Variants in SAMSN1 observed in about 807,000 individuals in gnomAD.
SAMSN1 encodes SAM domain-containing protein SAMSN-1.
A neutral mutation model predicts 42.0 loss-of-function variants in SAMSN1; 31 were observed. That is an observed-to-expected ratio of 0.74 (90% CI 0.55 to 1.00). The LOEUF is 1.00. Ranked by LOEUF, SAMSN1 falls within the 50% of genes least tolerant of loss-of-function variation. The probability of loss-of-function intolerance (pLI) is 0.00; values close to 1 mark genes in which losing one functional copy is unlikely to be tolerated. For missense variants in SAMSN1, 464 were observed against 439.4 expected (o/e 1.06, Z -0.50); for synonymous variants, 178 against 151.9 (o/e 1.17, Z -1.26).
At chr21:14,615,411 G>A (rs1982810071) in intron 3 of SAMSN1, among the ~76,000 whole-genome samples, 2 of 152,156 alleles carry the variant, frequency 1.3e-5, no homozygotes, top group Admixed American at 1.3e-4. Context: ...ATTGGCCTCA[G>A]ACCAATCCAG....
At chr21:14,596,559 T>A (rs1982268577) in intron 6 of SAMSN1, among the ~76,000 whole-genome samples, 1 of 152,176 alleles carries the variant, frequency 6.6e-6, no homozygotes, top group South Asian at 2.1e-4. Flanking sequence ...TGATGATGTT[T>A]AACTTCTGAA....
intron 1 of SAMSN1, among the ~76,000 whole-genome samples, chr21:14,525,108 A>G (rs1476911952): frequency 6.6e-6 from 1 of 152,224 alleles, no homozygotes; most frequent in East Asian, 1.9e-4. Flanking sequence ...ATTAAAAATG[A>G]TGAAATAATA....
intron 2 of SAMSN1, among the ~76,000 whole-genome samples, chr21:14,569,102 G>A (rs939260397): frequency 6.7e-6 from 1 of 150,284 alleles, no homozygotes; most frequent in African/African-American, 2.5e-5. Context: ...ACCAGCCTAG[G>A]CAACATAGCA....
At chr21:14,541,123 G>T (rs745895691) in intron 1 of SAMSN1, among the ~76,000 whole-genome samples, 35 of 142,924 alleles carry the variant, frequency 2.4e-4, no homozygotes, top group Non-Finnish European at 4.9e-4. Context: ...ACACACCAGG[G>T]CCTGTTGTGG....
intron 3 of SAMSN1, 44 bp downstream of exon 3, chr21:14,516,848 A>C: frequency 6.6e-7 from 1 of 1,518,154 alleles, no homozygotes; most frequent in Non-Finnish European, 9.0e-7. Context: ...TAGTTTAAGA[A>C]AGTTTTAGTA....
chr21:14,509,107 T>C (rs2122967903), intron 5 of SAMSN1, among the ~76,000 whole-genome samples: 1 of 138,386 alleles, frequency 7.2e-6, no homozygotes, highest in African/African-American at 2.7e-5. Context: ...AGAGCAAGAC[T>C]CCATCAAAAA....
chr21:14,507,856 G>T (rs1456300669), intron 5 of SAMSN1, among the ~76,000 whole-genome samples: 3 of 150,766 alleles, frequency 2.0e-5, no homozygotes, highest in African/African-American at 4.9e-5. Context: ...AAAAAAATAG[G>T]CACATAGACC....
chr21:14,581,479 C>T (rs937795319), intron 2 of SAMSN1, among the ~76,000 whole-genome samples: 2 of 148,594 alleles, frequency 1.3e-5, no homozygotes, highest in African/African-American at 5.0e-5. Flanking sequence ...CCGCCTCAGC[C>T]TCCCGAGTAG....
At chr21:14,619,484 T>C (rs1420681943) in intron 2 of SAMSN1, among the ~76,000 whole-genome samples, 1 of 152,228 alleles carries the variant, frequency 6.6e-6, no homozygotes, top group African/African-American at 2.4e-5. Flanking sequence ...ATATAGTGCT[T>C]TACCTTAACT....
chr21:14,627,300 C>T (rs151179178), intron 2 of SAMSN1, among the ~76,000 whole-genome samples: 2 of 151,934 alleles, frequency 1.3e-5, no homozygotes, highest in African/African-American at 4.8e-5. Flanking sequence ...ATATAAACAC[C>T]AGGAGAGCTT....
intron 2 of SAMSN1, among the ~76,000 whole-genome samples, chr21:14,577,883 C>G (rs1246719555): frequency 6.6e-6 from 1 of 152,146 alleles, no homozygotes; most frequent in Non-Finnish European, 1.5e-5. Context: ...TCCATAATCA[C>G]AAATATTTCT....
chr21:14,584,691 A>T (rs1014244270), upstream of SAMSN1, among the ~76,000 whole-genome samples: 1 of 152,192 alleles, frequency 6.6e-6, no homozygotes, highest in Non-Finnish European at 1.5e-5. Context: ...AGACTCAGAA[A>T]TATTTCTCCA....
intron 2 of SAMSN1, among the ~76,000 whole-genome samples, chr21:14,581,961 G>T (rs943780560): frequency 6.6e-6 from 1 of 152,172 alleles, no homozygotes; most frequent in African/African-American, 2.4e-5. Flanking sequence ...TATATGAAAT[G>T]TTAATATGGG....
chr21:14,656,587 G>T (rs112174916), intron 1 of SAMSN1, among the ~76,000 whole-genome samples: 2 of 151,750 alleles, frequency 1.3e-5, no homozygotes, highest in African/African-American at 4.8e-5. Context: ...AAATTGTGGA[G>T]TCAGAGTGGC....
At chr21:14,568,605 T>G (rs954876703) in intron 2 of SAMSN1, among the ~76,000 whole-genome samples, 1 of 152,170 alleles carries the variant, frequency 6.6e-6, no homozygotes, top group Non-Finnish European at 1.5e-5. Context: ...AGTGGTCATC[T>G]AGTACTATCC....
intron 2 of SAMSN1, among the ~76,000 whole-genome samples, chr21:14,567,651 C>T (rs535532862): frequency 5.9e-5 from 9 of 152,278 alleles, no homozygotes; most frequent in African/African-American, 2.2e-4. Flanking sequence ...TACCAAGGGA[C>T]ACCCAGTCCA....
upstream of SAMSN1, among the ~76,000 whole-genome samples, chr21:14,588,112 TATATGTGCC>T (rs1243911433): frequency 1.4e-5 from 2 of 140,826 alleles, no homozygotes; most frequent in Non-Finnish European, 3.1e-5. Context: ...TTCCATGGTG[TATATGTGCC>T]ATATTTTCTT....
intron 7 of SAMSN1, chr21:14,495,889 CTTTTCTTTTT>C (rs1398226656): frequency 6.6e-6 from 1 of 150,830 alleles, no homozygotes; most frequent in Non-Finnish European, 1.5e-5. Flanking sequence ...TCAGGTGTTT[CTTTTCTTTTT>C]TTTTCTTTTT....
At chr21:14,657,799 C>G (rs1983940289) in intron 1 of SAMSN1, among the ~76,000 whole-genome samples, 1 of 151,848 alleles carries the variant, frequency 6.6e-6, no homozygotes, top group Non-Finnish European at 1.5e-5. Context: ...CAGCCTCCCA[C>G]AACTCATAAT....
Sources: allele counts gnomAD v4.1 joint callset (sites outside exome capture counted in the v4.1 genomes callset), GRCh38; gene constraint gnomAD v4.1.1; transcripts MANE v1.5; gene names NCBI Gene and HGNC (gene_info 2026-07-23, HGNC 2026-07-21).